MYRIP: variants seen among roughly 807,000 people sequenced by gnomAD.
MYRIP encodes myosin VIIA and Rab interacting protein.
Under a neutral mutation model 98.0 loss-of-function variants are expected in MYRIP, and 49 were observed. That is an observed-to-expected ratio of 0.50 (90% confidence interval 0.40 to 0.63). The LOEUF (loss-of-function observed/expected upper bound fraction) is 0.63. Among genes scored for constraint, MYRIP ranks in the 30% least tolerant of loss-of-function variants. The probability of loss-of-function intolerance (pLI) is 0.00; values close to 1 mark genes in which losing one functional copy is unlikely to be tolerated. For missense variants in MYRIP, 1,004 were observed against 1,058.2 expected (o/e 0.95, Z 0.71); for synonymous variants, 404 against 409.5 (o/e 0.99, Z 0.16).
intron 2 of MYRIP, among the ~76,000 whole-genome samples, chr3:39,990,016 T>G (rs565628556): frequency 6.6e-6 from 1 of 152,352 alleles, no homozygotes; most frequent in East Asian, 1.9e-4. Context: ...CAACTGCAGC[T>G]GTGGTGCTGA....
chr3:39,928,190 CT>C (rs1021627215), intron 2 of MYRIP, among the ~76,000 whole-genome samples: 11 of 152,028 alleles, frequency 7.2e-5, no homozygotes, highest in African/African-American at 2.2e-4. Flanking sequence ...AAATTAGCCC[CT>C]GTCCCCAAAA....
intron 1 of MYRIP, among the ~76,000 whole-genome samples, chr3:39,833,422 T>TG (rs1417628585): frequency 1.3e-5 from 2 of 152,170 alleles, no homozygotes; most frequent in Non-Finnish European, 1.5e-5. Context: ...GGTTCTCCTT[T>TG]GACAACTGTT....
At chr3:40,032,865 T>C (rs1332684621) in intron 2 of MYRIP, among the ~76,000 whole-genome samples, 1 of 152,118 alleles carries the variant, frequency 6.6e-6, no homozygotes, top group Non-Finnish European at 1.5e-5. Context: ...AAAAAGCTTA[T>C]CCACCATGAT....
At chr3:39,971,306 G>T (rs1181269325) in intron 2 of MYRIP, among the ~76,000 whole-genome samples, 1 of 151,984 alleles carries the variant, frequency 6.6e-6, no homozygotes, top group East Asian at 1.9e-4. Context: ...GGCAAATAGA[G>T]GGAGGGCAGA....
chr3:39,846,396 C>T (rs921300082), intron 1 of MYRIP, among the ~76,000 whole-genome samples: 3 of 152,212 alleles, frequency 2.0e-5, no homozygotes, highest in Non-Finnish European at 2.9e-5. Context: ...CTGTCTCCCA[C>T]CTTTCCTTTT....
intron 3 of MYRIP, among the ~76,000 whole-genome samples, chr3:40,087,337 C>T (rs1948650712): frequency 6.6e-6 from 1 of 152,184 alleles, no homozygotes; most frequent in Non-Finnish European, 1.5e-5. Flanking sequence ...AGCCCTGCCC[C>T]TGGCCAGGAG....
chr3:39,825,520 C>T (rs1213263112), intron 1 of MYRIP, among the ~76,000 whole-genome samples: 4 of 152,204 alleles, frequency 2.6e-5, no homozygotes, highest in African/African-American at 2.4e-5. Flanking sequence ...GTTGAACCAT[C>T]GCTGTATCCT....
At chr3:39,971,984 G>C (rs901771041) in intron 2 of MYRIP, among the ~76,000 whole-genome samples, 1 of 151,984 alleles carries the variant, frequency 6.6e-6, no homozygotes, top group South Asian at 2.1e-4. Flanking sequence ...ACATTCCTGA[G>C]CAATAAAATG....
chr3:39,997,340 G>C (rs1451490918), intron 2 of MYRIP, among the ~76,000 whole-genome samples: 1 of 151,878 alleles, frequency 6.6e-6, no homozygotes, highest in Non-Finnish European at 1.5e-5. Flanking sequence ...AATAAAAAAT[G>C]ATAAAAGGGA....
intron 1 of MYRIP, among the ~76,000 whole-genome samples, chr3:39,882,955 A>G (rs1362345346): frequency 6.6e-6 from 1 of 151,844 alleles, no homozygotes; most frequent in Non-Finnish European, 1.5e-5. Context: ...TAAAAGCTGA[A>G]TAAAATATGA....
chr3:39,946,491 A>G (rs1944905680), intron 2 of MYRIP, among the ~76,000 whole-genome samples: 1 of 152,166 alleles, frequency 6.6e-6, no homozygotes, highest in Non-Finnish European at 1.5e-5. Flanking sequence ...TCTGACTGCT[A>G]GGAACGAAAG....
chr3:40,127,154 TAAATC>T (rs1326664175), intron 3 of MYRIP, among the ~76,000 whole-genome samples: 1 of 152,236 alleles, frequency 6.6e-6, no homozygotes. Flanking sequence ...TAATATGACT[TAAATC>T]TAATGAAGAT....
chr3:39,888,998 A>T (rs1295405721), intron 1 of MYRIP, among the ~76,000 whole-genome samples: 2 of 152,234 alleles, frequency 1.3e-5, no homozygotes, highest in Non-Finnish European at 2.9e-5. Flanking sequence ...CACACCAGTT[A>T]TAATGGCGAT....
At chr3:39,937,125 G>A (rs35191582) in intron 2 of MYRIP, among the ~76,000 whole-genome samples, 29,305 of 152,026 alleles carry the variant, frequency 0.19, 4,379 homozygotes, top group African/African-American at 0.42. Flanking sequence ...AGTGCTTTCA[G>A]TCCAGGTCTC....
At chr3:40,074,798 A>T (rs1049449752) in intron 3 of MYRIP, among the ~76,000 whole-genome samples, 1 of 152,216 alleles carries the variant, frequency 6.6e-6, no homozygotes, top group Non-Finnish European at 1.5e-5. Context: ...AATTTAAAAG[A>T]GCAAAGACCT....
chr3:40,243,722 C>T (rs952411358), intron 12 of MYRIP, among the ~76,000 whole-genome samples: 1 of 152,144 alleles, frequency 6.6e-6, no homozygotes, highest in Non-Finnish European at 1.5e-5. Context: ...TGAATTATTT[C>T]AAGGATTTCA....
intron 12 of MYRIP, among the ~76,000 whole-genome samples, chr3:40,236,995 A>G (rs1413524974): frequency 6.6e-6 from 1 of 152,092 alleles, no homozygotes; most frequent in Non-Finnish European, 1.5e-5. Context: ...ATTTTTTGAT[A>G]AAAGTTAAAA....
chr3:40,227,387 A>ACTCTCT (rs139915991), intron 11 of MYRIP, among the ~76,000 whole-genome samples: 6 of 143,082 alleles, frequency 4.2e-5, no homozygotes, highest in Non-Finnish European at 7.7e-5. Flanking sequence ...ATGGAAATGT[A>ACTCTCT]CTCTCTCTCT....
chr3:40,024,601 A>G (rs1575473353), intron 2 of MYRIP, among the ~76,000 whole-genome samples: 1 of 151,726 alleles, frequency 6.6e-6, no homozygotes, highest in African/African-American at 2.4e-5. Flanking sequence ...CCCTGGCCAA[A>G]GTCTAGGTTT....
Sources: allele counts gnomAD v4.1 joint callset (sites outside exome capture counted in the v4.1 genomes callset), GRCh38; gene constraint gnomAD v4.1.1; transcripts MANE v1.5; gene names NCBI Gene and HGNC (gene_info 2026-07-23, HGNC 2026-07-21).